LAMA3: variants seen among roughly 807,000 people sequenced by gnomAD.
The protein encoded by LAMA3 is laminin subunit alpha 3.
Under a neutral mutation model 402.0 loss-of-function variants are expected in LAMA3, and 281 were observed. That is an observed-to-expected ratio of 0.70 (90% CI 0.63 to 0.77). The LOEUF (loss-of-function observed/expected upper bound fraction) is 0.77. LAMA3 is among the 30% of genes least tolerant of loss of function. The pLI is 0.00. For synonymous variants in LAMA3, 1,431 were observed against 1,558.4 expected (o/e 0.92, Z 1.93); for missense variants, 3,840 against 4,215.5 (o/e 0.91, Z 2.47).
At chr18:23,752,506 G>A (rs1729960439) in intron 5 of LAMA3, among the ~76,000 whole-genome samples, 1 of 152,096 alleles carries the variant, frequency 6.6e-6, no homozygotes, top group African/African-American at 2.4e-5. Flanking sequence ...TATAATACCA[G>A]CTACCTTATG....
At position 23,901,430 on chromosome 18, in the gene LAMA3, A is replaced by AG; in HGVS notation, c.6201+107_6201+108insG. On this transcript the variant is annotated intron_variant, in intron 48 of 74. Coordinates refer to ENST00000313654, the MANE Select transcript of LAMA3 (RefSeq NM_198129.4). ...AGCCAGGCACCTGTCTGTACATCTC[A>AG]TTATACCACCTCAGACCCAGATCAG... 3 of 859,854 alleles carry AG rather than the reference A, an allele frequency of 3.5e-6. No homozygotes were observed. The South Asian group carries it at 4.3e-5, about 12-fold the overall frequency. The allele number at this position is 859,854 out of a possible 1,614,324, so 53.3% of individuals were successfully genotyped here. A position where few individuals can be genotyped will look rare whatever the true frequency, so the allele number is the denominator to read the frequency against.
chr18:23,785,604 C>T (rs951914922), intron 12 of LAMA3, among the ~76,000 whole-genome samples: 1 of 152,166 alleles, frequency 6.6e-6, no homozygotes, highest in African/African-American at 2.4e-5. Flanking sequence ...TTCTCCTGAC[C>T]TATACTTCCC....
intron 59 of LAMA3, among the ~76,000 whole-genome samples, chr18:23,916,098 C>CT (rs2081612089): frequency 6.7e-6 from 1 of 149,990 alleles, no homozygotes; most frequent in Non-Finnish European, 1.5e-5. Flanking sequence ...TGTGCCATGA[C>CT]TTTTTTGGTA....
intron 1 of LAMA3, among the ~76,000 whole-genome samples, chr18:23,706,710 C>T (rs757427015): frequency 7.9e-5 from 12 of 152,110 alleles, no homozygotes; most frequent in South Asian, 2.1e-4. Flanking sequence ...GAGAGTTCTT[C>T]GTTGATTTTA....
At chr18:23,941,034 C>G (rs1425308054) in intron 68 of LAMA3, among the ~76,000 whole-genome samples, 2 of 150,700 alleles carry the variant, frequency 1.3e-5, no homozygotes, top group Non-Finnish European at 2.9e-5. Context: ...CTCCTGGGTT[C>G]ACACTATTCT....
At chr18:23,766,498 A>G (rs1598747469) in intron 8 of LAMA3, among the ~76,000 whole-genome samples, 1 of 152,194 alleles carries the variant, frequency 6.6e-6, no homozygotes, top group East Asian at 1.9e-4. Flanking sequence ...TTAGGAAGAA[A>G]TGAAGAGTAT....
chr18:23,916,404 T>C, intron 59 of LAMA3, 147 bp from the exon 60 acceptor site: 2 of 853,056 alleles, frequency 2.3e-6, no homozygotes, highest in Middle Eastern at 2.4e-4. Context: ...ATTTTAAAGA[T>C]GTCTCCTCTG....
Position 23,945,572 on chromosome 18 carries a change from C to T in LAMA3, c.9211-572C>T, listed in dbSNP as rs1320772422. 9.9e-5 allele frequency among the ~76,000 whole-genome samples: 15 copies of T among 152,100 alleles called. No homozygotes were observed. In the East Asian group the frequency reaches 2.9e-3, roughly 29 times the overall value. ...CCCAGGTGTCAGCAGGCAGTAGAGG[C>T]CAAAGGTCACAGCTTGGCATATAAA... On this transcript the variant is annotated intron_variant, in intron 69 of 74. Coordinates refer to ENST00000313654, the MANE Select transcript of LAMA3 (RefSeq NM_198129.4).
intron 11 of LAMA3, among the ~76,000 whole-genome samples, chr18:23,783,743 C>T (rs2144000996): frequency 6.6e-6 from 1 of 151,598 alleles, no homozygotes; most frequent in East Asian, 1.9e-4. Context: ...CAAAGCTCGG[C>T]TTTAGAGGGA....
In LAMA3 at chr18:23,890,055, G is replaced by A; in HGVS notation, c.5348G>A (p.Ser1783Asn). The A allele has an allele frequency of 6.2e-7, 1 of 1,614,198 alleles. No individual in the cohort carries two copies. The highest frequency in any genetic ancestry group is 1.1e-5 in the South Asian group (1 of 91,084). ...YFGNPQKFGG[S>N]CQPCSCNSNG... is the part of the protein sequence containing the mutation. ...GGGAATCCCCAGAAATTCGGAGGTA[G>A]CTGCCAACCATGCAGTTGTAACAGC... Residue 1783 changes from serine to asparagine, a missense_variant, in exon 42 of 75, where the codon AGC becomes AAC. Ser to Asn is a conservative substitution (Grantham distance 46). This residue lies in a region of LAMA3 where 2,109 missense variants were observed against 2,376.0 expected (regional missense o/e 0.89). Coordinates refer to ENST00000313654, the MANE Select transcript of LAMA3 (RefSeq NM_198129.4).
At chr18:23,904,232 G>C in intron 50 of LAMA3, 145 bp downstream of exon 50, 1 of 904,880 alleles carries the variant, frequency 1.1e-6, no homozygotes, top group Non-Finnish European at 1.8e-6. Context: ...AATGCCCCAG[G>C]CCCAAGTCAG....
intron 62 of LAMA3, among the ~76,000 whole-genome samples, chr18:23,925,411 A>G (rs1476651291): frequency 1.3e-5 from 2 of 151,300 alleles, no homozygotes; most frequent in African/African-American, 4.9e-5. Context: ...AGGGTGTGAC[A>G]CCAACAAGGG....
chr18:23,837,308 C>T (rs1055848052), intron 25 of LAMA3: 1 of 545,352 alleles, frequency 1.8e-6, no homozygotes, highest in African/African-American at 1.9e-5. Context: ...ATTTAAGCAC[C>T]TCTCACAAAA....
At chr18:23,823,314 T>C (rs754729776) in intron 20 of LAMA3, among the ~76,000 whole-genome samples, 4 of 152,230 alleles carry the variant, frequency 2.6e-5, no homozygotes, top group Non-Finnish European at 5.9e-5. Context: ...CACAGCTGGA[T>C]GTTTGTAGAC....
chr18:23,777,584 C>G lies in LAMA3; in HGVS notation c.1433C>G (p.Pro478Arg). The G allele has an allele frequency of 6.2e-7, 1 of 1,611,670 alleles. No individual in the cohort carries two copies. Among genetic ancestry groups the G allele is most frequent in the Non-Finnish European group, 8.5e-7 (1 of 1,177,790 alleles). ...LRIPIFPVST[P>R]SSEDPVAGDI... The stretch of plus-strand genomic sequence containing the variant: ...ATTCCCATTTTTCCTGTTTCTACAC[C>G]AAGTTCAGAAGATCCAGTAGCTGGA... Residue 478 changes from proline (P) to arginine (R), a missense_variant, in exon 11 of 75, where the codon CCA (proline) becomes CGA (arginine). Physicochemically the swap from Pro to Arg is moderately radical, Grantham distance 103. Coordinates refer to ENST00000313654, the MANE Select transcript of LAMA3 (RefSeq NM_198129.4).
In LAMA3 at chr18:23,939,224, T is replaced by A; in HGVS notation, c.8864T>A (p.Leu2955Gln). ...NKTKTFRINQ[L>Q]LQDTPVASPR... ...TTGTGTTGCTCTTTTCCCATGCAGC[T>A]GTTGCAGGACACACCAGTGGCCTCC... The change falls in exon 68 of 75, where the codon CTG becomes CAG. Residue 2955 changes from leucine to glutamine, a missense_variant and splice_region_variant. By Grantham distance (113) the Leu-to-Gln change is moderately radical. Coordinates refer to ENST00000313654, the MANE Select transcript of LAMA3 (RefSeq NM_198129.4). 1 of 1,614,086 alleles carries A rather than the reference T, an allele frequency of 6.2e-7. No homozygotes were observed. The highest frequency in any genetic ancestry group is 1.1e-5 in the South Asian group (1 of 91,092).
chr18:23,947,413 T>G (rs1178461921), intron 70 of LAMA3, among the ~76,000 whole-genome samples: 1 of 152,086 alleles, frequency 6.6e-6, no homozygotes, highest in Non-Finnish European at 1.5e-5. Flanking sequence ...CACATTTTGG[T>G]GTGATGTTTG....
At chr18:23,897,536 C>T (rs2080915849) in intron 44 of LAMA3, among the ~76,000 whole-genome samples, 1 of 152,176 alleles carries the variant, frequency 6.6e-6, no homozygotes, top group Non-Finnish European at 1.5e-5. Flanking sequence ...TCACAACCTC[C>T]TCATGAGGAA....
rs564952972 is a variant in LAMA3 at position 23,904,626 on chromosome 18, C to T, written c.6547C>T (p.Leu2183Phe). ...VDAATAYENI[L>F]NAIKAAEDAA... ...TGCCGCCACCGCCTACGAGAACATC[C>T]TCAATGCCATCAAAGCGGCCGAGGA... is the stretch of plus-strand genomic sequence containing the variant. The change falls in exon 51 of 75, where the codon CTC becomes TTC. Residue 2183 changes from leucine to phenylalanine, a missense_variant. Leu to Phe is a conservative substitution (Grantham distance 22). This residue lies in a region of LAMA3 where 891 missense variants were observed against 857.5 expected (regional missense o/e 1.04). Transcript: ENST00000313654. 1.5e-5 allele frequency: 25 copies of T among 1,613,812 alleles called. No homozygotes were observed. The African/African-American group carries it at 2.8e-4, about 18-fold the overall frequency.
Sources: gnomAD v4.1 joint callset for allele counts (sites outside exome capture counted in the v4.1 genomes callset) on GRCh38, gnomAD v4.1.1 for gene constraint, gnomAD v4.1.1 regional missense constraint, MANE v1.5 for transcripts, NCBI Gene and HGNC (gene_info 2026-07-23, HGNC 2026-07-21) for gene names.